Variants in ERBB4 observed in about 807,000 individuals in gnomAD.
ERBB4 encodes receptor tyrosine-protein kinase erbB-4.
ERBB4 carries 42 observed loss-of-function variants against 158.0 expected under a neutral mutation model. That is an observed-to-expected ratio of 0.27 (90% CI 0.21 to 0.34). ERBB4 has a LOEUF of 0.34. Among genes scored for constraint, ERBB4 ranks in the 10% least tolerant of loss-of-function variants. ERBB4 has a pLI of 1.00. For synonymous variants in ERBB4, 583 were observed against 558.7 expected, an observed-to-expected ratio of 1.04 and a Z score of -0.61; for missense variants, 1,333 against 1,624.1, an observed-to-expected ratio of 0.82 and a Z score of 3.08.
At chr2:211,564,213 G>A (rs1396359804) in intron 19 of ERBB4, among the ~76,000 whole-genome samples, 1 of 152,152 alleles carries the variant, frequency 6.6e-6, no homozygotes, top group Non-Finnish European at 1.5e-5. Context: ...TTAATGGGGG[G>A]AAACTGAGAA....
chr2:212,477,911 G>T (rs1426533106), intron 1 of ERBB4, among the ~76,000 whole-genome samples: 1 of 152,132 alleles, frequency 6.6e-6, no homozygotes, highest in Non-Finnish European at 1.5e-5. Flanking sequence ...TGTGTGAAAA[G>T]AAAGAACAGG....
chr2:211,560,416 A>C lies in ERBB4; in HGVS notation c.2487+1487T>G, dbSNP rs547034976. ...CAGCCTCCTTAGTAGCTGGGATTAC[A>C]GGCATGTGCCACCATGCCCAGCTAA... On this transcript the variant is annotated intron_variant, in intron 20 of 27. Transcript: ENST00000342788. 1.7e-4 allele frequency among the ~76,000 whole-genome samples: 26 copies of C among 151,642 alleles called. No individual in the cohort carries two copies. In the South Asian group the frequency reaches 5.2e-3, roughly 30 times the overall value.
At chr2:212,097,855 G>C (rs1461390744) in intron 2 of ERBB4, among the ~76,000 whole-genome samples, 2 of 152,134 alleles carry the variant, frequency 1.3e-5, no homozygotes, top group Non-Finnish European at 2.9e-5. Context: ...AGATTAAAGA[G>C]TAAAAACTGT....
intron 19 of ERBB4, among the ~76,000 whole-genome samples, chr2:211,614,097 G>A (rs2069297033): frequency 6.6e-6 from 1 of 151,972 alleles, no homozygotes; most frequent in Non-Finnish European, 1.5e-5. Context: ...CGTAAAAAAA[G>A]AATGCAATCA....
intron 2 of ERBB4, among the ~76,000 whole-genome samples, chr2:212,100,376 G>A (rs751914980): frequency 3.9e-5 from 6 of 152,194 alleles, no homozygotes; most frequent in Non-Finnish European, 8.8e-5. Context: ...AAGCCAAATT[G>A]TTCTCCCTTA....
At chr2:212,402,305 AT>A (rs1243522591) in intron 1 of ERBB4, among the ~76,000 whole-genome samples, 6 of 152,156 alleles carry the variant, frequency 3.9e-5, no homozygotes. Context: ...GTTTTATATG[AT>A]AAAATTTCAG....
intron 1 of ERBB4, among the ~76,000 whole-genome samples, chr2:212,318,700 G>C (rs1158532276): frequency 3.3e-5 from 5 of 151,580 alleles, no homozygotes; most frequent in African/African-American, 1.2e-4. Flanking sequence ...AACCCAAGTA[G>C]ATTGTTACTA....
chr2:211,518,001 C>A (rs191023866), intron 20 of ERBB4, among the ~76,000 whole-genome samples: 3 of 152,190 alleles, frequency 2.0e-5, no homozygotes, highest in Admixed American at 1.3e-4. Context: ...TCTTATTGTA[C>A]AAGTGTAATT....
At chr2:211,883,440 GTAT>G (rs1252486880) in intron 3 of ERBB4, among the ~76,000 whole-genome samples, 1 of 151,856 alleles carries the variant, frequency 6.6e-6, no homozygotes, top group Non-Finnish European at 1.5e-5. Context: ...AAAACTTAAA[GTAT>G]AATAAAAAAT....
chr2:211,702,983 A>T (rs916492407), intron 11 of ERBB4, among the ~76,000 whole-genome samples: 2 of 152,182 alleles, frequency 1.3e-5, no homozygotes, highest in African/African-American at 4.8e-5. Context: ...TTCTCTAAAG[A>T]ATAAACATGC....
intron 19 of ERBB4, among the ~76,000 whole-genome samples, chr2:211,615,735 T>C (rs933616836): frequency 1.3e-5 from 2 of 152,130 alleles, no homozygotes; most frequent in East Asian, 1.9e-4. Flanking sequence ...AGAAGTTTCA[T>C]TGTGGTGATA....
intron 2 of ERBB4, among the ~76,000 whole-genome samples, chr2:211,996,128 A>G (rs1027487550): frequency 2.6e-5 from 4 of 152,184 alleles, no homozygotes; most frequent in South Asian, 2.1e-4. Context: ...TTAGGTAGAT[A>G]TTAATTAGTA....
At chr2:212,431,955 G>A (rs2092039441) in intron 1 of ERBB4, among the ~76,000 whole-genome samples, 1 of 152,112 alleles carries the variant, frequency 6.6e-6, no homozygotes, top group Admixed American at 6.6e-5. Context: ...GCTTCCATAT[G>A]TTTTACTTAT....
chr2:211,989,553 T>C (rs1438158259), intron 2 of ERBB4, among the ~76,000 whole-genome samples: 4 of 151,946 alleles, frequency 2.6e-5, no homozygotes, highest in Non-Finnish European at 5.9e-5. Context: ...AAAATCCTTT[T>C]TCTTGTCCCC....
chr2:212,432,929 C>A (rs1165382340), intron 1 of ERBB4, among the ~76,000 whole-genome samples: 2 of 151,964 alleles, frequency 1.3e-5, no homozygotes, highest in African/African-American at 4.8e-5. Flanking sequence ...TCTGATGATA[C>A]AGTGTTACAT....
intron 1 of ERBB4, among the ~76,000 whole-genome samples, chr2:212,497,220 C>G (rs1056219043): frequency 1.4e-5 from 2 of 145,998 alleles, no homozygotes; most frequent in Non-Finnish European, 3.1e-5. Context: ...AAAAGTTAAA[C>G]AAATTTAAAA....
At chr2:211,817,077 T>C (rs1183443298) in intron 3 of ERBB4, among the ~76,000 whole-genome samples, 4 of 152,224 alleles carry the variant, frequency 2.6e-5, no homozygotes, top group Non-Finnish European at 5.9e-5. Context: ...TGAAAGTGCA[T>C]TGCCTTTGTT....
intron 2 of ERBB4, among the ~76,000 whole-genome samples, chr2:212,105,336 C>T (rs1378473163): frequency 6.6e-6 from 1 of 152,130 alleles, no homozygotes; most frequent in African/African-American, 2.4e-5. Context: ...AAATAGTTTA[C>T]ATAGCACTGA....
intron 25 of ERBB4, among the ~76,000 whole-genome samples, chr2:211,415,277 C>G (rs536701072): frequency 6.6e-6 from 1 of 151,948 alleles, no homozygotes; most frequent in Non-Finnish European, 1.5e-5. Context: ...CCACCACGCC[C>G]GGCTAATTTT....
Sources: allele counts gnomAD v4.1 joint callset (sites outside exome capture counted in the v4.1 genomes callset), GRCh38; gene constraint gnomAD v4.1.1; transcripts MANE v1.5; gene names NCBI Gene and HGNC (gene_info 2026-07-23, HGNC 2026-07-21).